Variants in FLII observed in about 807,000 individuals in gnomAD.
FLII encodes protein flightless-1 homolog.
In FLII, 101 loss-of-function variants were observed where a neutral mutation model predicts 156.2. The ratio of observed to expected loss-of-function variants is 0.65; its 90% CI spans 0.55 to 0.76. FLII has a LOEUF of 0.76. Ranked by LOEUF, FLII falls within the 30% of genes least tolerant of loss-of-function variation. The pLI is 0.00. For missense variants in FLII, 1,675 were observed against 1,682.8 expected (o/e 1.00, Z 0.08); for synonymous variants, 767 against 685.8 (o/e 1.12, Z -1.85).
rs112683318 is a variant in FLII, at chr17:18,248,847, G to A, written c.1971C>T (p.Tyr657=). Residue 657 remains tyrosine, a synonymous_variant, in exon 17 of 30, where the codon TAC becomes TAT. Transcript: ENST00000327031. ...VFLLDRGLDI[Y]VWRGAQATLS... is the part of the protein sequence containing the mutation. ...GTGTGGCCTGGGCCCCCCGCCATAC[G>A]TAGATGTCTAGCCCTCGGTCCAGCA... 22 of 1,613,948 alleles carry A rather than the reference G, an allele frequency of 1.4e-5. No homozygotes were observed. The highest frequency in any genetic ancestry group is 1.1e-4 in the East Asian group (5 of 44,876).
Position 18,247,069 on chromosome 17 carries a change from C to G in FLII, c.2677-17G>C. ...CTGCTCCGCCTGCAGGTGAGAGGGA[C>G]CCGCCCCGCGGCAGGTCTGAGCGCG... On this transcript the variant is annotated splice_polypyrimidine_tract_variant and intron_variant, in intron 21 of 29. Coordinates refer to ENST00000327031, the MANE Select transcript of FLII (RefSeq NM_002018.4). 6.2e-7 allele frequency: 1 copy of G among 1,610,500 alleles called. No individual in the cohort carries two copies. Among genetic ancestry groups the G allele is most frequent in the Non-Finnish European group, 8.5e-7 (1 of 1,179,842 alleles).
In FLII at chr17:18,247,990, T is replaced by C; in HGVS notation, c.2234A>G (p.Tyr745Cys). 4 of 1,614,036 alleles carry C rather than the reference T, an allele frequency of 2.5e-6. No individual in the cohort carries two copies. The highest frequency in any genetic ancestry group is 2.5e-6 in the Non-Finnish European group (3 of 1,179,954). Residue 745 changes from tyrosine to cysteine, a missense_variant, in exon 19 of 30, where the codon TAC becomes TGC. Physicochemically the swap from Tyr to Cys is radical, Grantham distance 194. Around this residue, in one of 2 missense-constraint regions of FLII, gnomAD observed 1,332 missense variants for 1,269.3 expected, o/e 1.05. Transcript: ENST00000327031. ...CTGCTTATGTTCCACGGAGAGCTTG[T>C]AGTTGATCTGTGGCAGCTCCAGGTA... ...LGYLELPQIN[Y>C]KLSVEHKQRP...
Position 18,247,039 on chromosome 17 carries a change from A to T in FLII, c.2690T>A (p.Met897Lys). The T allele has an allele frequency of 6.2e-7, 1 of 1,612,602 alleles. No homozygotes were observed. The highest frequency in any genetic ancestry group is 1.3e-5 in the African/African-American group (1 of 74,498). The stretch of plus-strand genomic sequence containing the variant: ...GTCTAGGTCTTCGTTCCACTCCTCC[A>T]TCAGCTGCTCCGCCTGCAGGTGAGA... ...PMSLAEAEQL[M>K]EEWNEDLDGM... The change falls in exon 22 of 30, where the codon ATG (methionine) becomes AAG (lysine). Residue 897 changes from methionine to lysine, a missense_variant. Physicochemically the swap from Met to Lys is moderately conservative, Grantham distance 95. Transcript: ENST00000327031.
At position 18,245,069 on chromosome 17, in the gene FLII, C is replaced by T. The variant is rs1351042865; in HGVS notation, c.*69G>A. 1 of 1,537,942 alleles carries T rather than the reference C, an allele frequency of 6.5e-7. No homozygotes were observed. Among genetic ancestry groups the T allele is most frequent in the South Asian group, 1.2e-5 (1 of 82,724 alleles). Reference sequence around the variant, plus strand: ...GCAGGTGGTGTCACCTGAGTACATTCTTTGCTAGCAGACAGTGGATGAGGC... The same window carrying T: ...GCAGGTGGTGTCACCTGAGTACATTTTTTGCTAGCAGACAGTGGATGAGGC... On this transcript the variant is annotated 3_prime_UTR_variant, in exon 30 of 30. Coordinates refer to ENST00000327031, the MANE Select transcript of FLII (RefSeq NM_002018.4).
At position 18,250,908 on chromosome 17, in the gene FLII, C is replaced by T. The variant is rs762167295; in HGVS notation, c.1706G>A (p.Arg569His). The T allele has an allele frequency of 5.0e-6, 8 of 1,613,922 alleles. No homozygotes were observed. In the East Asian group the frequency reaches 6.7e-5, roughly 13 times the overall value. The change falls in exon 14 of 30, where the codon CGC (arginine) becomes CAC (histidine). Residue 569 changes from arginine (R) to histidine (H), a missense_variant. By Grantham distance (29) the Arg-to-His change is conservative. Transcript: ENST00000327031. ...GCGGCACTCAGCACCCAGGTAGTTG[C>T]GCAAGTTGACAGCGTGGATGGCAGA... ...ACSAIHAVNL[R>H]NYLGAECRTV...
chr17:18,247,486 G>T, intron 20 of FLII, 129 bp from the exon 21 acceptor site: 3 of 1,087,764 alleles, frequency 2.8e-6, no homozygotes, highest in Admixed American at 5.0e-5. Context: ...CCTCGGACAC[G>T]GAGGTAGGAA....
intron 9 of FLII, 111 bp from the exon 10 acceptor site, chr17:18,252,667 G>T: frequency 1.2e-6 from 1 of 807,442 alleles, no homozygotes; most frequent in African/African-American, 1.7e-5. Context: ...AGGAACTGGC[G>T]GGGGTCTCCA....
At chr17:18,251,501 G>A (rs891505609) in intron 12 of FLII, 24 bp from the exon 13 acceptor site, 6 of 1,585,550 alleles carry the variant, frequency 3.8e-6, no homozygotes, top group Middle Eastern at 1.7e-4. Context: ...CACAGAGCAC[G>A]GCTTGACTCT....
At chr17:18,245,451 T>C in intron 28 of FLII, 32 bp from the exon 29 acceptor site, 7 of 1,613,462 alleles carry the variant, frequency 4.3e-6, no homozygotes, top group Non-Finnish European at 5.9e-6. Flanking sequence ...TACGGTTGCA[T>C]GGGTGCCTGG....
At chr17:18,247,522 CG>C (rs2048118266) in intron 20 of FLII, 134 bp downstream of exon 20, 1 of 1,053,790 alleles carries the variant, frequency 9.5e-7, no homozygotes, top group Admixed American at 2.8e-5. Flanking sequence ...GCAGAGGGGG[CG>C]GGGCCTGGGC....
intron 16 of FLII, 51 bp from the exon 17 acceptor site, chr17:18,248,934 C>G: frequency 6.6e-7 from 1 of 1,506,008 alleles, no homozygotes; most frequent in Non-Finnish European, 9.2e-7. Flanking sequence ...GGGCAATGGT[C>G]ACCCCATGCT....
At position 18,256,812 on chromosome 17, in the gene FLII, T is replaced by C. The variant is rs1487547234; in HGVS notation, c.174+97A>G. The C allele has an allele frequency of 7.4e-5, 63 of 855,344 alleles. No individual in the cohort carries two copies. In the East Asian group the frequency reaches 1.6e-3, roughly 22 times the overall value. The allele number at this position is 855,344 out of a possible 1,614,324, so 53.0% of individuals were successfully genotyped here. A position where few individuals can be genotyped will look rare whatever the true frequency, so the allele number is the denominator to read the frequency against. Reference sequence around the variant, plus strand: ...TTCCAGCTCTGCTCATAGCTGTCGGTGTTCCTCTCTCTGGAGAAGTTGTCT... The same window carrying C: ...TTCCAGCTCTGCTCATAGCTGTCGGCGTTCCTCTCTCTGGAGAAGTTGTCT... On this transcript the variant is annotated intron_variant, in intron 2 of 29. Transcript: ENST00000327031.
In FLII at chr17:18,245,758, G is replaced by T; in HGVS notation, c.3489C>A (p.His1163Gln). 1.2e-6 allele frequency: 2 copies of T among 1,613,940 alleles called. No homozygotes were observed. Among genetic ancestry groups the T allele is most frequent in the Non-Finnish European group, 1.7e-6 (2 of 1,179,892 alleles). Residue 1163 changes from histidine to glutamine, a missense_variant, in exon 27 of 30, where the codon CAC (histidine) becomes CAA (glutamine). His to Gln is a conservative substitution (Grantham distance 24). Around this residue, in one of 2 missense-constraint regions of FLII, gnomAD observed 1,332 missense variants for 1,269.3 expected, o/e 1.05. Coordinates refer to ENST00000327031, the MANE Select transcript of FLII (RefSeq NM_002018.4). ...PYDDDAEYMK[H>Q]TRLFRCSNEK... The stretch of plus-strand genomic sequence containing the variant: ...CCTGGCCTCACCGGAAGAGACGTGT[G>T]TGTTTCATGTACTCGGCATCGTCAT...
intron 3 of FLII, 57 bp from the exon 4 acceptor site, chr17:18,255,320 G>C (rs1567717803): frequency 7.2e-7 from 1 of 1,396,854 alleles, no homozygotes; most frequent in Non-Finnish European, 1.0e-6. Context: ...GGAAGGAACA[G>C]AGTCTAGAGA....
rs776907535 is a variant in FLII at position 18,256,945 on chromosome 17, G to A, written c.138C>T (p.Cys46=). Residue 46 remains cysteine, a synonymous_variant, in exon 2 of 30, where the codon TGC becomes TGT. Transcript: ENST00000327031. The part of the protein sequence containing the change: ...RWLKLNRTGL[C]YLPEELAALQ... ...GGGCGGCCAGCTCCTCGGGCAGGTA[G>A]CAGAGGCCAGTGCGGTTCAGCTTCA... 1.1e-5 allele frequency: 17 copies of A among 1,611,832 alleles called. 1 individual carries two copies. In the South Asian group the frequency reaches 1.8e-4, roughly 17 times the overall value.
intron 11 of FLII, 83 bp from the exon 12 acceptor site, chr17:18,251,899 C>T (rs139453756): frequency 2.7e-5 from 43 of 1,605,538 alleles, no homozygotes; most frequent in Non-Finnish European, 3.5e-5. Flanking sequence ...CAACTCCACC[C>T]ACCAGGGTCC....
chr17:18,247,272 C>G lies in FLII; in HGVS notation c.2573G>C (p.Gly858Ala). The G allele has an allele frequency of 6.2e-7, 1 of 1,612,594 alleles. No individual in the cohort carries two copies. Among genetic ancestry groups the G allele is most frequent in the Non-Finnish European group, 8.5e-7 (1 of 1,179,714 alleles). The part of the protein sequence containing the change: ...RNAEAVLQSP[G>A]LSGKVKRDAE... The stretch of plus-strand genomic sequence containing the variant: ...GTCGCGTTTCACCTTCCCGGAGAGA[C>G]CCGGGCTCTGCAGCACGGCCTCCGC... Residue 858 changes from glycine (G) to alanine (A), a missense_variant, in exon 21 of 30, where the codon GGT (glycine) becomes GCT (alanine). Around this residue, in one of 2 missense-constraint regions of FLII, gnomAD observed 1,332 missense variants for 1,269.3 expected, o/e 1.05. Transcript: ENST00000327031.
intron 20 of FLII, 56 bp from the exon 21 acceptor site, chr17:18,247,413 G>A (rs2048113121): frequency 2.0e-6 from 3 of 1,495,662 alleles, no homozygotes; most frequent in South Asian, 2.5e-5. Context: ...AGAGTTGGAG[G>A]AAGTAGCCCG....
Position 18,258,361 on chromosome 17 carries a change from G to C in FLII, c.63+267C>G, listed in dbSNP as rs2048491870. The stretch of plus-strand genomic sequence containing the variant: ...CAGCCTAGACCGAGAACACGGACGC[G>C]GGGTGGGGGCTCCCGGCCGGGCCCC... On this transcript the variant is annotated intron_variant, in intron 1 of 29. Coordinates refer to ENST00000327031, the MANE Select transcript of FLII (RefSeq NM_002018.4). This position sits in a 1 kb window ranked among gnomAD's most constrained non-coding sequence, Gnocchi z 4.2. 1.2e-6 allele frequency: 1 copy of C among 855,208 alleles called. No homozygotes were observed. The highest frequency in any genetic ancestry group is 1.8e-6 in the Non-Finnish European group (1 of 571,248). The allele number at this position is 855,208 out of a possible 1,614,324, so 53.0% of individuals were successfully genotyped here. A position where few individuals can be genotyped will look rare whatever the true frequency, so the allele number is the denominator to read the frequency against.
Sources: allele counts gnomAD v4.1 joint callset, GRCh38; gene constraint gnomAD v4.1.1; regional missense constraint gnomAD v4.1.1; non-coding constraint Gnocchi (gnomAD v3.1); transcripts MANE v1.5; gene names NCBI Gene and HGNC (gene_info 2026-07-23, HGNC 2026-07-21).